Variants in TCP11L1 observed in about 807,000 individuals in gnomAD.
TCP11L1 encodes t-complex 11 like 1, also known as T-complex protein 11-like protein 1.
Under a neutral mutation model 48.9 loss-of-function variants are expected in TCP11L1, and 28 were observed. That is an observed-to-expected ratio of 0.57 (90% CI 0.42 to 0.78). The LOEUF is 0.78. TCP11L1 is among the 30% of genes least tolerant of loss of function. The pLI is 0.00. For missense variants in TCP11L1, 505 were observed against 613.4 expected (o/e 0.82, Z 1.87); for synonymous variants, 204 against 231.9 (o/e 0.88, Z 1.09).
chr11:33,040,829 A>C (rs1409653189), intron 1 of TCP11L1: 1 of 151,700 alleles, frequency 6.6e-6, no homozygotes, highest in East Asian at 1.9e-4. Flanking sequence ...ACTCCTTTTA[A>C]AGATCAGTTC....
chr11:33,047,136 C>A (rs1292863241), intron 2 of TCP11L1, among the ~76,000 whole-genome samples: 1 of 151,472 alleles, frequency 6.6e-6, no homozygotes, highest in Non-Finnish European at 1.5e-5. Flanking sequence ...TCACTTGAAC[C>A]TGGGAAGCAG....
intron 2 of TCP11L1, among the ~76,000 whole-genome samples, chr11:33,050,887 C>G (rs1301555962): frequency 3.3e-5 from 5 of 151,444 alleles, no homozygotes; most frequent in Non-Finnish European, 5.9e-5. Context: ...GGTCATGGCT[C>G]ACTGCAACTT....
intron 1 of TCP11L1, 85 bp from the exon 2 acceptor site, chr11:33,043,664 TA>T: frequency 8.4e-7 from 1 of 1,185,916 alleles, no homozygotes; most frequent in Non-Finnish European, 1.2e-6. Context: ...CCAAAGAGGT[TA>T]AATGATTTGC....
intron 9 of TCP11L1, among the ~76,000 whole-genome samples, chr11:33,070,403 G>A (rs965789644): frequency 2.6e-5 from 4 of 152,150 alleles, no homozygotes; most frequent in Non-Finnish European, 2.9e-5. Flanking sequence ...AAGAATAAGG[G>A]TGCTGAGCAC....
At chr11:33,043,662 G>C in intron 1 of TCP11L1, 88 bp from the exon 2 acceptor site, 1 of 1,160,408 alleles carries the variant, frequency 8.6e-7, no homozygotes, top group Non-Finnish European at 1.2e-6. Context: ...ACCCAAAGAG[G>C]TTAAATGATT....
At chr11:33,048,880 G>T (rs1433272354) in intron 2 of TCP11L1, among the ~76,000 whole-genome samples, 1 of 152,138 alleles carries the variant, frequency 6.6e-6, no homozygotes, top group Non-Finnish European at 1.5e-5. Context: ...TTCCTGATTT[G>T]CTCCAGCCAC....
chr11:33,056,483 C>G (rs1250381291), intron 3 of TCP11L1: 1 of 154,100 alleles, frequency 6.5e-6, no homozygotes, highest in East Asian at 1.9e-4. Context: ...AAGCAGTTGT[C>G]CCATGTATCA....
intron 8 of TCP11L1, among the ~76,000 whole-genome samples, chr11:33,067,636 A>G (rs1030918738): frequency 6.6e-6 from 1 of 152,226 alleles, no homozygotes; most frequent in South Asian, 2.1e-4. Context: ...TTGGGAGCCC[A>G]GCCTTGCACT....
chr11:33,051,107 C>T (rs755030066), intron 2 of TCP11L1, among the ~76,000 whole-genome samples: 9 of 151,490 alleles, frequency 5.9e-5, no homozygotes, highest in East Asian at 2.0e-4. Flanking sequence ...CACCATGCCC[C>T]GCTCTGCAAT....
At chr11:33,054,222 C>CTTTT (rs879682189) in intron 2 of TCP11L1, among the ~76,000 whole-genome samples, 1 of 138,802 alleles carries the variant, frequency 7.2e-6, no homozygotes, top group Non-Finnish European at 1.6e-5. Flanking sequence ...CTGGTGTCTT[C>CTTTT]TTTTTTTTTT....
intron 2 of TCP11L1, among the ~76,000 whole-genome samples, chr11:33,053,144 CTTTTT>C (rs10715921): frequency 1.7e-5 from 2 of 116,210 alleles, no homozygotes. Context: ...CTATCAGAGA[CTTTTT>C]TTTTTTTTTT....
intron 9 of TCP11L1, among the ~76,000 whole-genome samples, chr11:33,070,685 C>CAA (rs1182483117): frequency 1.8e-4 from 13 of 71,536 alleles, no homozygotes; most frequent in African/African-American, 2.3e-4. Context: ...AAGTCTGTCT[C>CAA]AAAAAAAAAA....
At chr11:33,055,599 T>C (rs1294340878) in intron 3 of TCP11L1, among the ~76,000 whole-genome samples, 1 of 152,214 alleles carries the variant, frequency 6.6e-6, no homozygotes, top group African/African-American at 2.4e-5. Flanking sequence ...TTAGTCATGA[T>C]TTATTGTCAC....
chr11:33,054,232 T>C (rs967352431), intron 2 of TCP11L1, among the ~76,000 whole-genome samples: 1 of 152,020 alleles, frequency 6.6e-6, no homozygotes, highest in African/African-American at 2.4e-5. Context: ...CTTTTTTTTT[T>C]TTTTCTTTTA....
intron 9 of TCP11L1, among the ~76,000 whole-genome samples, chr11:33,070,984 G>A (rs370759360): frequency 8.8e-4 from 133 of 151,030 alleles, no homozygotes; most frequent in African/African-American, 3.2e-3. Flanking sequence ...CCTGGGAGAC[G>A]AGGGAAACTC....
chr11:33,057,955 C>G lies in TCP11L1; in HGVS notation c.454C>G (p.Leu152Val), dbSNP rs1481081346. ...LSFLLPGHTR[L>V]RNQITEVLDL... ...TTTCTTGCTGCCTGGTCATACTAGA[C>G]TGAGAAACCAGATAACAGAAGTCTT... Residue 152 changes from leucine (L) to valine (V), a missense_variant, in exon 5 of 10, where the codon CTG becomes GTG. Physicochemically the swap from Leu to Val is conservative, Grantham distance 32. Coordinates refer to ENST00000334274, the MANE Select transcript of TCP11L1 (RefSeq NM_018393.4). 2 of 1,613,956 alleles carry G rather than the reference C, an allele frequency of 1.2e-6. No homozygotes were observed. The highest frequency in any genetic ancestry group is 1.3e-5 in the African/African-American group (1 of 74,908).
At chr11:33,042,324 G>A (rs1590216774) in intron 1 of TCP11L1, among the ~76,000 whole-genome samples, 1 of 152,270 alleles carries the variant, frequency 6.6e-6, no homozygotes, top group East Asian at 1.9e-4. Context: ...TGGAGACGGG[G>A]TTTCAGCGTG....
At chr11:33,068,591 G>T in intron 8 of TCP11L1, 96 bp from the exon 9 acceptor site, 2 of 1,451,510 alleles carry the variant, frequency 1.4e-6, no homozygotes, top group Non-Finnish European at 1.9e-6. Context: ...CACAAATCCA[G>T]TTATTGGTGC....
Position 33,071,060 on chromosome 11 carries a change from G to C in TCP11L1, c.1328-1414G>C, listed in dbSNP as rs1223786936. On this transcript the variant is annotated intron_variant, in intron 9 of 9. Transcript: ENST00000334274. ...CTGGGTGCAGTGGCTCACTCCTGTA[G>C]TTCCAGCACTTTGGGAGGCGGGGGC... Among the ~76,000 whole-genome samples, 4 of 151,536 alleles carry C rather than the reference G, an allele frequency of 2.6e-5. No homozygotes were observed. In the East Asian group the frequency reaches 7.8e-4, roughly 30 times the overall value.
Sources: allele counts gnomAD v4.1 joint callset (sites outside exome capture counted in the v4.1 genomes callset), GRCh38; gene constraint gnomAD v4.1.1; transcripts MANE v1.5; gene names NCBI Gene and HGNC (gene_info 2026-07-23, HGNC 2026-07-21).